DGKB: variants seen among roughly 807,000 people sequenced by gnomAD.
DGKB encodes the protein 90 kDa diacylglycerol kinase.
DGKB carries 67 observed loss-of-function variants against 114.3 expected under a neutral mutation model. That is an observed-to-expected ratio of 0.59 (90% confidence interval 0.48 to 0.72). DGKB has a LOEUF of 0.72. DGKB is among the 30% of genes least tolerant of loss of function. The pLI is 0.00. For synonymous variants in DGKB, 398 were observed against 323.1 expected (o/e 1.23, Z -2.49); for missense variants, 907 against 975.2 (o/e 0.93, Z 0.93).
intron 13 of DGKB, among the ~76,000 whole-genome samples, chr7:14,635,876 T>G (rs191902408): frequency 4.5e-4 from 68 of 151,760 alleles, no homozygotes; most frequent in African/African-American, 1.6e-3. Flanking sequence ...CGAGAGCCAG[T>G]TCTAGAAATA....
At chr7:14,850,013 C>A (rs2128156860) in intron 1 of DGKB, among the ~76,000 whole-genome samples, 1 of 152,248 alleles carries the variant, frequency 6.6e-6, no homozygotes, top group Admixed American at 6.5e-5. Context: ...TACCTCAACC[C>A]ATCCCCTAAA....
chr7:14,673,034 A>T lies in DGKB; in HGVS notation c.1036-7T>A, dbSNP rs745800885. 1 of 1,535,592 alleles carries T rather than the reference A, an allele frequency of 6.5e-7. No homozygotes were observed. The highest frequency in any genetic ancestry group is 1.2e-5 in the South Asian group (1 of 84,122). ...AAGCACATTTATTATGCAGCTAGAA[A>T]AACAGAAAGGGGGATAGTATCAAAT... On this transcript the variant is annotated splice_region_variant and splice_polypyrimidine_tract_variant and intron_variant, in intron 12 of 25. Transcript: ENST00000402815.
intron 23 of DGKB, among the ~76,000 whole-genome samples, chr7:14,257,722 C>A (rs1224422518): frequency 1.3e-5 from 2 of 151,980 alleles, no homozygotes; most frequent in Non-Finnish European, 1.5e-5. Flanking sequence ...GTCTATTAAA[C>A]CTTTTATTTA....
intron 20 of DGKB, among the ~76,000 whole-genome samples, chr7:14,508,644 G>T (rs567181493): frequency 6.6e-6 from 1 of 152,250 alleles, no homozygotes; most frequent in Non-Finnish European, 1.5e-5. Flanking sequence ...GCTTTAATAA[G>T]GACAATTCCT....
intron 21 of DGKB, among the ~76,000 whole-genome samples, chr7:14,464,073 C>G (rs997930452): frequency 2.0e-5 from 3 of 151,104 alleles, no homozygotes; most frequent in African/African-American, 7.3e-5. Context: ...CTAGAAAAAG[C>G]AATAGAATTT....
rs1335006743 is a variant in DGKB at position 14,478,205 on chromosome 7, T to C, written c.1791A>G (p.Arg597=). 1 of 1,602,368 alleles carries C rather than the reference T, an allele frequency of 6.2e-7. No homozygotes were observed. The highest frequency in any genetic ancestry group is 1.7e-5 in the Admixed American group (1 of 59,000). Residue 597 remains arginine, a synonymous_variant, in exon 21 of 26, where the codon AGA becomes AGG. Transcript: ENST00000402815. ...GGTGTTTTTCTCTCATGATGTGGAA[T>C]CTGTGTGCAATGGAGGCATCCTAAG... ...SIGVDASIAH[R]FHIMREKHPE...
At chr7:14,249,556 T>C (rs1192449278) in intron 23 of DGKB, among the ~76,000 whole-genome samples, 1 of 152,198 alleles carries the variant, frequency 6.6e-6, no homozygotes, top group Non-Finnish European at 1.5e-5. Flanking sequence ...TACTTTATCA[T>C]TTAGTTTTGG....
At position 14,368,872 on chromosome 7, in the gene DGKB, C is replaced by T. The variant is rs567519680; in HGVS notation, c.1836-23481G>A. 4.7e-4 allele frequency among the ~76,000 whole-genome samples: 71 copies of T among 152,122 alleles called. 1 individual carries two copies. Among genetic ancestry groups the T allele is most frequent in the Middle Eastern group, 6.8e-3 (2 of 294 alleles). ...GAGCCCTCAGACCATCATGCAGATC[C>T]GATTTCTGTGAAAGAGAAAGAGAAA... is the stretch of plus-strand genomic sequence containing the variant. On this transcript the variant is annotated intron_variant, in intron 21 of 25. Coordinates refer to ENST00000402815, the MANE Select transcript of DGKB (RefSeq NM_001350709.2).
chr7:14,854,151 C>A (rs10807776), intron 1 of DGKB, among the ~76,000 whole-genome samples: 134,621 of 152,208 alleles, frequency 0.88, 59,957 homozygotes, highest in East Asian at 1. Context: ...TGCGATTTGC[C>A]AAGTTAAACG....
intron 21 of DGKB, among the ~76,000 whole-genome samples, chr7:14,393,958 C>G (rs1821838253): frequency 6.6e-6 from 1 of 151,694 alleles, no homozygotes; most frequent in African/African-American, 2.4e-5. Flanking sequence ...GCTAGCTGGA[C>G]ATGGCTGTAT....
intron 23 of DGKB, among the ~76,000 whole-genome samples, chr7:14,338,285 T>A (rs1030836142): frequency 6.6e-6 from 1 of 152,142 alleles, no homozygotes; most frequent in Non-Finnish European, 1.5e-5. Flanking sequence ...TTTTATTTTC[T>A]GTGGGAAGAG....
At chr7:14,842,830 A>T (rs1848121548) in intron 1 of DGKB, among the ~76,000 whole-genome samples, 1 of 152,216 alleles carries the variant, frequency 6.6e-6, no homozygotes, top group Non-Finnish European at 1.5e-5. Context: ...CCTAAATCAT[A>T]ACAGAAATAA....
intron 25 of DGKB, among the ~76,000 whole-genome samples, chr7:14,174,115 G>A (rs190417776): frequency 1.3e-4 from 20 of 152,188 alleles, no homozygotes; most frequent in East Asian, 5.8e-4. Flanking sequence ...AAGGTAGTCC[G>A]TCATTTACCA....
At chr7:14,568,245 T>G (rs1797888654) in intron 20 of DGKB, among the ~76,000 whole-genome samples, 1 of 152,202 alleles carries the variant, frequency 6.6e-6, no homozygotes, top group South Asian at 2.1e-4. Flanking sequence ...GGACCATCAC[T>G]GTGGAAGAAT....
intron 2 of DGKB, among the ~76,000 whole-genome samples, chr7:14,821,686 A>T (rs1844955911): frequency 1.3e-5 from 2 of 152,184 alleles, no homozygotes; most frequent in African/African-American, 2.4e-5. Context: ...AGGGATTCTG[A>T]ATAGTGCTTT....
At chr7:14,536,538 C>A (rs1594485) in intron 20 of DGKB, among the ~76,000 whole-genome samples, 128,080 of 152,210 alleles carry the variant, frequency 0.84, 54,484 homozygotes, top group East Asian at 1. Context: ...GATACATGAC[C>A]TTAGCAAACA....
In DGKB at chr7:14,525,208, G is replaced by A. The variant is rs148517243; in HGVS notation, c.1771-46983C>T. Reference sequence around the variant, plus strand: ...ACCCAAATGGAACAACCATTTCTACGATAAGTAAGTCACTGTTTTCTCTTT... The same window carrying A: ...ACCCAAATGGAACAACCATTTCTACAATAAGTAAGTCACTGTTTTCTCTTT... On this transcript the variant is annotated intron_variant, in intron 20 of 25. Transcript: ENST00000402815. Among the ~76,000 whole-genome samples the A allele has an allele frequency of 6.7e-3, 1,014 of 152,140 alleles. 6 individuals are homozygous for A. Among genetic ancestry groups the A allele is most frequent in the Non-Finnish European group, 0.011 (721 of 67,978 alleles).
chr7:14,534,318 A>C (rs1280071640), intron 20 of DGKB, among the ~76,000 whole-genome samples: 3 of 152,068 alleles, frequency 2.0e-5, no homozygotes, highest in Admixed American at 2.0e-4. Flanking sequence ...AAAGACAAAG[A>C]GGAAAAAATC....
intron 13 of DGKB, among the ~76,000 whole-genome samples, chr7:14,637,926 G>C (rs897930062): frequency 6.6e-6 from 1 of 151,734 alleles, no homozygotes; most frequent in African/African-American, 2.4e-5. Context: ...TTCTAAACAA[G>C]AGAATGTGAA....
Sources: gnomAD v4.1 joint callset for allele counts (sites outside exome capture counted in the v4.1 genomes callset) on GRCh38, gnomAD v4.1.1 for gene constraint, MANE v1.5 for transcripts, NCBI Gene and HGNC (gene_info 2026-07-23, HGNC 2026-07-21) for gene names.